The following GRIP1 variants were observed in gnomAD, a reference collection of about 807,000 sequenced individuals.
The protein encoded by GRIP1 is glutamate receptor interacting protein 1.
GRIP1 carries 45 observed loss-of-function variants against 129.9 expected under a neutral mutation model. That is an observed-to-expected ratio of 0.35 (90% confidence interval 0.27 to 0.44). The LOEUF is 0.44. Ranked by LOEUF, GRIP1 falls within the 20% of genes least tolerant of loss-of-function variation. GRIP1 has a pLI of 1.00. For synonymous variants in GRIP1, 530 were observed against 520.8 expected (o/e 1.02, Z -0.24); for missense variants, 1,196 against 1,396.8 (o/e 0.86, Z 2.29).
chr12:66,778,549 A>G (rs541389711), intron 1 of GRIP1, among the ~76,000 whole-genome samples: 1 of 152,300 alleles, frequency 6.6e-6, no homozygotes, highest in African/African-American at 2.4e-5. Context: ...CTATAAAACC[A>G]TGAGCCCTAC....
In GRIP1 at chr12:66,896,416, C is replaced by T. The variant is rs184674646; in HGVS notation, c.58+172634G>A. Among the ~76,000 whole-genome samples the T allele has an allele frequency of 2.8e-5, 4 of 142,566 alleles. No homozygotes were observed. The Admixed American group carries it at 2.9e-4, about 10-fold the overall frequency. 93.5% of individuals were successfully genotyped at this position (142,566 alleles called of 152,430 possible). On this transcript the variant is annotated intron_variant, in intron 1 of 1. Coordinates refer to the GRIP1 transcript ENST00000643019. ...GGAAGCAGATGGCAAGGGAGATCAA[C>T]ACTTCAATGGGAACTGAAAGTCAAA...
At chr12:66,489,833 G>A (rs552241626) in intron 7 of GRIP1, among the ~76,000 whole-genome samples, 10 of 152,080 alleles carry the variant, frequency 6.6e-5, no homozygotes, top group African/African-American at 2.4e-4. Context: ...AAATCTCTCT[G>A]ATTTGGCAAG....
chr12:66,692,063 C>A (rs1407514324), intron 1 of GRIP1, among the ~76,000 whole-genome samples: 3 of 152,112 alleles, frequency 2.0e-5, no homozygotes, highest in Non-Finnish European at 4.4e-5. Context: ...TTATACCCTG[C>A]TTTTTTCCTC....
At chr12:66,564,075 T>C in intron 2 of GRIP1, 1 of 133,584 alleles carries the variant, frequency 7.5e-6, no homozygotes, top group Non-Finnish European at 1.6e-5. Context: ...CTTGGGTTTC[T>C]TCTCTGTCTT....
intron 1 of GRIP1, among the ~76,000 whole-genome samples, chr12:66,702,138 A>G (rs1386940005): frequency 6.6e-6 from 1 of 152,172 alleles, no homozygotes. Flanking sequence ...TGCCATTTTA[A>G]TCTGTTTACA....
intron 1 of GRIP1, among the ~76,000 whole-genome samples, chr12:67,026,489 G>C (rs539604115): frequency 1.3e-5 from 2 of 152,318 alleles, no homozygotes; most frequent in South Asian, 4.1e-4. Context: ...CCTAAGGATT[G>C]AGTTAAAACA....
At chr12:66,574,674 G>A (rs567153163) in intron 2 of GRIP1, among the ~76,000 whole-genome samples, 12 of 151,926 alleles carry the variant, frequency 7.9e-5, no homozygotes, top group Non-Finnish European at 1.8e-4. Flanking sequence ...ATGCATCTCT[G>A]TACAGACTGA....
chr12:66,672,413 G>A (rs943795976), intron 1 of GRIP1, among the ~76,000 whole-genome samples: 2 of 152,088 alleles, frequency 1.3e-5, no homozygotes, highest in Non-Finnish European at 2.9e-5. Flanking sequence ...TTTTGTAATG[G>A]CAAGGTCAAA....
chr12:66,516,096 G>C (rs1033818208), intron 6 of GRIP1, among the ~76,000 whole-genome samples: 2 of 151,988 alleles, frequency 1.3e-5, no homozygotes, highest in Admixed American at 6.6e-5. Context: ...TTTATTGGAG[G>C]CCAGAAAATA....
chr12:66,463,266 G>C (rs1321745828), intron 8 of GRIP1, among the ~76,000 whole-genome samples, 173 bp from the exon 9 acceptor site: 1 of 152,096 alleles, frequency 6.6e-6, no homozygotes, highest in African/African-American at 2.4e-5. Context: ...CCTTGAATAT[G>C]AACAAGGAAG....
intron 1 of GRIP1, among the ~76,000 whole-genome samples, chr12:67,061,293 CT>C (rs1837857071): frequency 2.0e-5 from 3 of 152,140 alleles, no homozygotes; most frequent in African/African-American, 7.2e-5. Flanking sequence ...AATTTCTGGC[CT>C]TTGTGATATA....
At chr12:66,964,835 G>T (rs2041972507) in intron 1 of GRIP1, among the ~76,000 whole-genome samples, 1 of 152,106 alleles carries the variant, frequency 6.6e-6, no homozygotes, top group South Asian at 2.1e-4. Flanking sequence ...GCAGGCAGGG[G>T]TGGTTTCCTC....
At chr12:66,523,104 T>C (rs2061082171) in intron 5 of GRIP1, among the ~76,000 whole-genome samples, 1 of 151,652 alleles carries the variant, frequency 6.6e-6, no homozygotes, top group African/African-American at 2.4e-5. Flanking sequence ...GAAAACACTC[T>C]GCAGGATATT....
At chr12:66,401,489 G>C (rs1450709570) in intron 16 of GRIP1, among the ~76,000 whole-genome samples, 1 of 151,662 alleles carries the variant, frequency 6.6e-6, no homozygotes, top group East Asian at 1.9e-4. Context: ...TGAGGCAGGA[G>C]AATCAGTTGA....
intron 1 of GRIP1, among the ~76,000 whole-genome samples, chr12:66,874,295 A>G (rs1468472380): frequency 7.9e-5 from 12 of 152,084 alleles, no homozygotes; most frequent in Non-Finnish European, 2.9e-5. Flanking sequence ...ATTGTTGCAC[A>G]ACAAGTGTCT....
intron 1 of GRIP1, among the ~76,000 whole-genome samples, chr12:66,722,968 C>G (rs549533918): frequency 6.6e-6 from 1 of 151,588 alleles, no homozygotes; most frequent in South Asian, 2.1e-4. Context: ...ATATTGAAGC[C>G]CTTTCATCAA....
intron 1 of GRIP1, among the ~76,000 whole-genome samples, chr12:66,842,289 A>G (rs1463917639): frequency 6.6e-6 from 1 of 152,018 alleles, no homozygotes; most frequent in Non-Finnish European, 1.5e-5. Flanking sequence ...TCCTATATAA[A>G]ATTTTATATA....
chr12:66,633,677 A>G (rs915925972), intron 1 of GRIP1, among the ~76,000 whole-genome samples: 6 of 152,160 alleles, frequency 3.9e-5, no homozygotes, highest in Non-Finnish European at 8.8e-5. Context: ...TAACTTGCCC[A>G]GATTTCTTTA....
intron 2 of GRIP1, among the ~76,000 whole-genome samples, chr12:66,587,841 TAAAGAGAGC>T (rs1322142162): frequency 2.0e-5 from 3 of 152,150 alleles, no homozygotes; most frequent in Non-Finnish European, 4.4e-5. Context: ...ATCAAACTGC[TAAAGAGAGC>T]AAAGAGCTTT....
Sources: allele counts gnomAD v4.1 joint callset (sites outside exome capture counted in the v4.1 genomes callset), GRCh38; gene constraint gnomAD v4.1.1; transcripts MANE v1.5; gene names NCBI Gene and HGNC (gene_info 2026-07-23, HGNC 2026-07-21).